Variants in C5 observed in about 807,000 individuals in gnomAD.
C5 encodes the protein complement C5, also known as C3 and PZP-like alpha-2-macroglobulin domain-containing protein 4.
In C5, 140 loss-of-function variants were observed where a neutral mutation model predicts 218.8. The ratio of observed to expected loss-of-function variants is 0.64; its 90% CI spans 0.56 to 0.74. C5 has a LOEUF of 0.74. C5 is among the 30% of genes least tolerant of loss of function. The pLI, the probability that C5 is intolerant of heterozygous loss-of-function variation, is 0.00. For synonymous variants in C5, 614 were observed against 682.3 expected (o/e 0.90, Z 1.56); for missense variants, 1,700 against 1,969.6 (o/e 0.86, Z 2.59).
chr9:121,042,961 T>C (rs1218890763), intron 3 of C5, 43 bp downstream of exon 3: 2 of 1,525,028 alleles, frequency 1.3e-6, no homozygotes, highest in African/African-American at 1.4e-5. Flanking sequence ...GTGTCAATAC[T>C]GTCAAATCCC....
the C5 span, among the ~76,000 whole-genome samples, chr9:121,069,560 C>A: frequency 6.6e-6 from 1 of 150,432 alleles, no homozygotes; most frequent in African/African-American, 2.4e-5. Flanking sequence ...GTTGCCCAGG[C>A]GGCATTGCAG....
At chr9:121,036,214 G>A (rs146654270) in intron 4 of C5, among the ~76,000 whole-genome samples, 3,173 of 152,246 alleles carry the variant, frequency 0.021, 52 homozygotes, top group Non-Finnish European at 0.028. Context: ...ACTTGTAGCT[G>A]AGTATTTTTA....
the C5 span, among the ~76,000 whole-genome samples, chr9:121,071,424 C>T: frequency 7.2e-5 from 11 of 151,934 alleles, no homozygotes; most frequent in Non-Finnish European, 1.3e-4. Flanking sequence ...CTGGCTCATG[C>T]GTGTAATCCC....
At chr9:121,046,496 A>C in intron 1 of C5, 113 bp from the exon 2 acceptor site, 1 of 739,268 alleles carries the variant, frequency 1.4e-6, no homozygotes, top group Non-Finnish European at 2.4e-6. Flanking sequence ...ATATTTCCTC[A>C]CTTAAAAATG....
At chr9:120,982,168 C>A (rs543935843) in intron 26 of C5, among the ~76,000 whole-genome samples, 1 of 152,322 alleles carries the variant, frequency 6.6e-6, no homozygotes, top group Admixed American at 6.5e-5. Context: ...TGCACTACCA[C>A]GCACGGCTAA....
intron 20 of C5, among the ~76,000 whole-genome samples, chr9:121,005,131 T>C (rs1197494388): frequency 6.6e-6 from 1 of 152,198 alleles, no homozygotes; most frequent in Non-Finnish European, 1.5e-5. Context: ...CACATTGAAT[T>C]CTCATGCAAA....
At chr9:121,072,954 C>A in the C5 span, among the ~76,000 whole-genome samples, 1 of 151,994 alleles carries the variant, frequency 6.6e-6, no homozygotes, top group East Asian at 1.9e-4. Flanking sequence ...GCACCATTCA[C>A]TTAAATGTCA....
chr9:120,989,449 G>T, intron 24 of C5, 119 bp downstream of exon 24: 1 of 730,272 alleles, frequency 1.4e-6, no homozygotes, highest in Non-Finnish European at 2.2e-6. Context: ...TCCATCTCAT[G>T]ATTTTTTTGC....
chr9:121,048,429 C>T (rs934758272), intron 1 of C5, among the ~76,000 whole-genome samples: 1 of 152,146 alleles, frequency 6.6e-6, no homozygotes, highest in Non-Finnish European at 1.5e-5. Context: ...ACCGCACATG[C>T]GAGGGATCTA....
At chr9:121,021,475 G>A (rs755566113) in intron 11 of C5, 34 bp downstream of exon 11, 7 of 1,557,738 alleles carry the variant, frequency 4.5e-6, no homozygotes, top group Admixed American at 1.7e-5. Flanking sequence ...AGTACACATT[G>A]TCCTAGAAAA....
At chr9:120,977,783 G>A (rs993685387) in intron 28 of C5, among the ~76,000 whole-genome samples, 40 of 152,252 alleles carry the variant, frequency 2.6e-4, no homozygotes, top group African/African-American at 8.7e-4. Context: ...TAGTAGAGTC[G>A]AAAGTGCAAT....
intron 17 of C5, among the ~76,000 whole-genome samples, chr9:121,009,537 A>T (rs2047244352): frequency 1.3e-5 from 2 of 152,266 alleles, no homozygotes; most frequent in African/African-American, 4.8e-5. Context: ...GCTGAAGCCA[A>T]GCCAGATGAT....
chr9:121,036,085 AC>A (rs2047521998), intron 4 of C5, among the ~76,000 whole-genome samples: 1 of 151,838 alleles, frequency 6.6e-6, no homozygotes, highest in African/African-American at 2.4e-5. Flanking sequence ...CCAACAAAAA[AC>A]CCAAAGCAAA....
intron 27 of C5, among the ~76,000 whole-genome samples, chr9:120,980,976 T>A (rs1226373622): frequency 2.6e-5 from 4 of 152,272 alleles, no homozygotes; most frequent in East Asian, 3.9e-4. Context: ...CTTAAAAAAA[T>A]AAATAAATAA....
At chr9:121,047,621 T>C (rs999130315) in intron 1 of C5, among the ~76,000 whole-genome samples, 4 of 152,222 alleles carry the variant, frequency 2.6e-5, no homozygotes, top group African/African-American at 7.2e-5. Context: ...TCTGCCAACA[T>C]TGTGACATTT....
chr9:121,068,888 T>A, the C5 span, among the ~76,000 whole-genome samples: 1 of 152,110 alleles, frequency 6.6e-6, no homozygotes, highest in Non-Finnish European at 1.5e-5. Flanking sequence ...GAAAGAATAG[T>A]CTCTTTAATA....
At position 120,996,267 on chromosome 9, in the gene C5, C is replaced by T; in HGVS notation, c.2824G>A (p.Val942Ile). Residue 942 changes from valine (V) to isoleucine (I), a missense_variant, in exon 22 of 41, where the codon GTT becomes ATT. Val to Ile is a conservative substitution (Grantham distance 29). Transcript: ENST00000223642. The part of the protein sequence containing the change: ...EGVKRESYSG[V>I]TLDPRGIYGT... ...TAAATACCCCTAGGATCCAAAGTAACACCAGAATAGCTTTCCCTTTTGACA... is the reference window on the plus strand; with the variant it reads ...TAAATACCCCTAGGATCCAAAGTAATACCAGAATAGCTTTCCCTTTTGACA... The T allele has an allele frequency of 3.1e-6, 5 of 1,612,300 alleles. No individual in the cohort carries two copies. The highest frequency in any genetic ancestry group is 1.1e-5 in the South Asian group (1 of 91,038).
intron 22 of C5, among the ~76,000 whole-genome samples, chr9:120,994,042 T>C (rs1168866314): frequency 6.6e-6 from 1 of 152,126 alleles, no homozygotes. Context: ...AAAGGGCTTA[T>C]CAGGGACAGA....
At chr9:121,048,072 G>A (rs915092432) in intron 1 of C5, among the ~76,000 whole-genome samples, 8 of 152,008 alleles carry the variant, frequency 5.3e-5, no homozygotes, top group East Asian at 1.9e-4. Context: ...ATTAGAAATC[G>A]AACCTGAGCA....
Sources: gnomAD v4.1 joint callset for allele counts (sites outside exome capture counted in the v4.1 genomes callset) on GRCh38, gnomAD v4.1.1 for gene constraint, MANE v1.5 for transcripts, NCBI Gene and HGNC (gene_info 2026-07-23, HGNC 2026-07-21) for gene names.